The following MEGF10 variants were observed in gnomAD, a reference collection of about 807,000 sequenced individuals.
MEGF10 encodes the protein multiple epidermal growth factor-like domains protein 10.
In MEGF10, 86 loss-of-function variants were observed where a neutral mutation model predicts 147.5. The ratio of observed to expected loss-of-function variants is 0.58; its 90% confidence interval spans 0.49 to 0.70. The LOEUF (loss-of-function observed/expected upper bound fraction) is 0.70. Ranked by LOEUF, MEGF10 falls within the 30% of genes least tolerant of loss-of-function variation. MEGF10 has a pLI of 0.00. For missense variants in MEGF10, 1,329 were observed against 1,487.3 expected, an observed-to-expected ratio of 0.89 and a Z score of 1.75; for synonymous variants, 478 against 525.5, an observed-to-expected ratio of 0.91 and a Z score of 1.24.
At chr5:127,402,424 T>C in intron 7 of MEGF10, 122 bp from the exon 8 acceptor site, 1 of 1,065,286 alleles carries the variant, frequency 9.4e-7, no homozygotes, top group Non-Finnish European at 1.3e-6. Context: ...TTCTCTAATC[T>C]AATTTTCTTG....
In MEGF10 at chr5:127,420,200, C is replaced by T. The variant is rs1490528120; in HGVS notation, c.1583C>T (p.Pro528Leu). 3 of 1,613,924 alleles carry T rather than the reference C, an allele frequency of 1.9e-6. No individual in the cohort carries two copies. The highest frequency in any genetic ancestry group is 2.5e-6 in the Non-Finnish European group (3 of 1,179,952). The change falls in exon 12 of 25, where the codon CCC becomes CTC. Residue 528 changes from proline to leucine, a missense_variant. By Grantham distance (98) the Pro-to-Leu change is moderately conservative. Around this residue, in one of 3 missense-constraint regions of MEGF10, gnomAD observed 980 missense variants for 1,085.9 expected, o/e 0.90. Transcript: ENST00000503335. ...PGWRGEKCELPCQDGTYGLNC... is the reference protein window; with the variant it reads ...PGWRGEKCELLCQDGTYGLNC... The stretch of plus-strand genomic sequence containing the variant: ...TGGCGCGGGGAGAAATGCGAACTTC[C>T]CTGCCAGGTATGCACAAATCAGCGC...
chr5:127,369,876 ACTTT>A (rs764810059), intron 4 of MEGF10, 30 bp from the exon 5 acceptor site: 2 of 1,568,912 alleles, frequency 1.3e-6, no homozygotes, highest in South Asian at 1.2e-5. Flanking sequence ...TCTTGTGCCA[ACTTT>A]CTTTATTTGA....
At chr5:127,438,667 T>C (rs1027269099) in intron 17 of MEGF10, 100 bp downstream of exon 17, 144 of 1,363,066 alleles carry the variant, frequency 1.1e-4, no homozygotes, top group Admixed American at 8.4e-5. Flanking sequence ...CAAAGGTCCC[T>C]GAGGTTGGAG....
the MEGF10 span, among the ~76,000 whole-genome samples, chr5:127,236,035 C>A: frequency 2.0e-5 from 3 of 151,590 alleles, no homozygotes; most frequent in African/African-American, 7.3e-5. Flanking sequence ...TACAGGGGTG[C>A]GATCTCGGCT....
At chr5:127,358,858 G>A (rs766367650) in intron 4 of MEGF10, among the ~76,000 whole-genome samples, 66 of 152,216 alleles carry the variant, frequency 4.3e-4, no homozygotes, top group Non-Finnish European at 5.6e-4. Context: ...TGTTACTTAC[G>A]TTACTTAAAT....
At chr5:127,403,543 C>G (rs898226844) in intron 8 of MEGF10, among the ~76,000 whole-genome samples, 1 of 152,136 alleles carries the variant, frequency 6.6e-6, no homozygotes, top group Non-Finnish European at 1.5e-5. Context: ...GTCATTCTTT[C>G]TAATTTTTTT....
At chr5:127,395,755 A>G in intron 5 of MEGF10, among the ~76,000 whole-genome samples, 1 of 152,052 alleles carries the variant, frequency 6.6e-6, no homozygotes, top group Non-Finnish European at 1.5e-5. Flanking sequence ...CGTGTTAGCC[A>G]GGATGGTCTT....
chr5:127,380,765 C>G (rs1376175449), intron 5 of MEGF10, among the ~76,000 whole-genome samples: 5 of 152,176 alleles, frequency 3.3e-5, no homozygotes, highest in Admixed American at 3.3e-4. Context: ...GATTCGCCCG[C>G]CTCGGCCTCC....
chr5:127,247,452 G>C, the MEGF10 span, among the ~76,000 whole-genome samples: 933 of 128,102 alleles, frequency 7.3e-3, 211 homozygotes, highest in East Asian at 0.042. Flanking sequence ...AGAAGAAGAA[G>C]AAGAAGAAGA....
chr5:127,323,994 G>A (rs748467898), intron 1 of MEGF10, among the ~76,000 whole-genome samples: 5 of 152,124 alleles, frequency 3.3e-5, no homozygotes, highest in Non-Finnish European at 5.9e-5. Flanking sequence ...TGCCTTCTAT[G>A]ACCTAGTTTG....
At chr5:127,326,678 A>G (rs76302267) in intron 1 of MEGF10, among the ~76,000 whole-genome samples, 4,006 of 152,272 alleles carry the variant, frequency 0.026, 95 homozygotes, top group East Asian at 0.11. Flanking sequence ...TACATCCTTT[A>G]TAGATAACAC....
chr5:127,411,067 GAAGTTTTGTGAAAGTGTTTCAC>G (rs1764539763), intron 9 of MEGF10, among the ~76,000 whole-genome samples: 1 of 152,210 alleles, frequency 6.6e-6, no homozygotes. Flanking sequence ...TGAACTGGTG[GAAGTTTTGTGAAAGTGTTTCAC>G]ATGTGGCTGT....
chr5:127,313,022 A>G (rs1373699689), intron 1 of MEGF10, among the ~76,000 whole-genome samples: 1 of 152,218 alleles, frequency 6.6e-6, no homozygotes, highest in Non-Finnish European at 1.5e-5. Context: ...CTGGCTCATC[A>G]TTAAAGGAAA....
At chr5:127,322,884 G>A (rs1760841800) in intron 1 of MEGF10, among the ~76,000 whole-genome samples, 1 of 152,030 alleles carries the variant, frequency 6.6e-6, no homozygotes, top group South Asian at 2.1e-4. Context: ...AGCCTAATGT[G>A]CACAAATTAC....
chr5:127,402,594 T>G lies in MEGF10; in HGVS notation c.829T>G (p.Cys277Gly). The change falls in exon 8 of 25, where the codon TGT (cysteine) becomes GGT (glycine). Residue 277 changes from cysteine to glycine, a missense_variant. Around this residue, in one of 3 missense-constraint regions of MEGF10, gnomAD observed 980 missense variants for 1,085.9 expected, o/e 0.90. Coordinates refer to ENST00000503335, the MANE Select transcript of MEGF10 (RefSeq NM_001256545.2). ...CCCCGAGGGTCGCTTTGGAAAGAAC[T>G]GTTCCCAAGAATGCCAGTGCCATAA... The part of the protein sequence containing the change: ...PCPEGRFGKN[C>G]SQECQCHNGG... 2 of 1,614,110 alleles carry G rather than the reference T, an allele frequency of 1.2e-6. No individual in the cohort carries two copies. The highest frequency in any genetic ancestry group is 1.7e-6 in the Non-Finnish European group (2 of 1,179,988).
chr5:127,247,127 A>G, the MEGF10 span, among the ~76,000 whole-genome samples: 1 of 143,514 alleles, frequency 7.0e-6, no homozygotes, highest in East Asian at 2.0e-4. Flanking sequence ...AGAAGGGTCT[A>G]TATATGTTTC....
At chr5:127,355,034 T>G (rs1008855664) in intron 4 of MEGF10, among the ~76,000 whole-genome samples, 1 of 152,210 alleles carries the variant, frequency 6.6e-6, no homozygotes, top group Non-Finnish European at 1.5e-5. Flanking sequence ...ATCATTTTGG[T>G]CTTTTCCTGC....
chr5:127,349,626 G>A (rs919615056), intron 4 of MEGF10, among the ~76,000 whole-genome samples: 5 of 150,878 alleles, frequency 3.3e-5, no homozygotes, highest in Non-Finnish European at 7.4e-5. Flanking sequence ...TTCACTTACC[G>A]TAACCATAAT....
At chr5:127,370,378 A>C (rs1186225426) in intron 5 of MEGF10, among the ~76,000 whole-genome samples, 1 of 152,132 alleles carries the variant, frequency 6.6e-6, no homozygotes, top group Non-Finnish European at 1.5e-5. Context: ...TCTCTAAGAA[A>C]ATCTCTTGGT....
Sources: gnomAD v4.1 joint callset for allele counts (sites outside exome capture counted in the v4.1 genomes callset) on GRCh38, gnomAD v4.1.1 for gene constraint, gnomAD v4.1.1 regional missense constraint, MANE v1.5 for transcripts, NCBI Gene and HGNC (gene_info 2026-07-23, HGNC 2026-07-21) for gene names.